KLF12: variants seen among roughly 807,000 people sequenced by gnomAD.
KLF12 encodes KLF transcription factor 12, also known as Krueppel-like factor 12.
In KLF12, 9 loss-of-function variants were observed where a neutral mutation model predicts 37.8. The observed-to-expected ratio is 0.24, with a 90% CI of 0.14 to 0.42. KLF12 has a LOEUF of 0.42. Ranked by LOEUF, KLF12 falls within the 10% of genes least tolerant of loss-of-function variation. KLF12 has a pLI of 1.00. For synonymous variants in KLF12, 208 were observed against 202.1 expected, an observed-to-expected ratio of 1.03 and a Z score of -0.25; for missense variants, 411 against 516.0, an observed-to-expected ratio of 0.80 and a Z score of 1.97.
the KLF12 span, among the ~76,000 whole-genome samples, chr13:74,170,058 AT>A: frequency 6.6e-6 from 1 of 152,110 alleles, no homozygotes; most frequent in Non-Finnish European, 1.5e-5. Context: ...ACAGCACATA[AT>A]TTTTTAACAT....
At chr13:73,815,597 T>C (rs543877966) in intron 4 of KLF12, among the ~76,000 whole-genome samples, 10 of 152,344 alleles carry the variant, frequency 6.6e-5, no homozygotes, top group Admixed American at 5.9e-4. Context: ...ATCAGATCTA[T>C]CTAAGCTTCC....
the KLF12 span, among the ~76,000 whole-genome samples, chr13:74,212,810 G>A: frequency 4.2e-3 from 635 of 152,098 alleles, 2 homozygotes; most frequent in African/African-American, 0.013. Context: ...TCTCTGAAGC[G>A]CAGAAAAATA....
the KLF12 span, among the ~76,000 whole-genome samples, chr13:74,271,336 T>G: frequency 6.6e-6 from 1 of 152,206 alleles, no homozygotes; most frequent in African/African-American, 2.4e-5. Context: ...CAACTATGCT[T>G]AAGCATTAGT....
chr13:74,181,070 CT>C, the KLF12 span, among the ~76,000 whole-genome samples: 1 of 152,050 alleles, frequency 6.6e-6, no homozygotes, highest in African/African-American at 2.4e-5. Context: ...ACAATCTTGG[CT>C]CACTGCAACC....
intron 1 of KLF12, among the ~76,000 whole-genome samples, chr13:74,060,120 A>C (rs946477072): frequency 6.6e-5 from 10 of 152,048 alleles, no homozygotes; most frequent in Non-Finnish European, 1.2e-4. Context: ...TGATCTATGC[A>C]TCTATTTTTG....
rs1352631650 is a variant in KLF12, at chr13:73,755,475, G to T, written c.869+9463C>A. Among the ~76,000 whole-genome samples the T allele has an allele frequency of 2.0e-5, 3 of 152,258 alleles. No individual in the cohort carries two copies. The East Asian group carries it at 5.8e-4, about 29-fold the overall frequency. ...CAACTGTTAGGTTTAGGAAAGGCTC[G>T]AGAGACCTGAAGGAAATTATAGCCT... On this transcript the variant is annotated intron_variant, in intron 6 of 7. Coordinates refer to ENST00000377669, the MANE Select transcript of KLF12 (RefSeq NM_007249.5).
At chr13:74,242,536 C>T in the KLF12 span, among the ~76,000 whole-genome samples, 1 of 152,208 alleles carries the variant, frequency 6.6e-6, no homozygotes, top group Non-Finnish European at 1.5e-5. Context: ...TCCCACAATA[C>T]ATGGGAATTA....
the KLF12 span, among the ~76,000 whole-genome samples, chr13:74,215,427 CTTTTTTTTTTTTTTT>C: frequency 3.3e-5 from 2 of 60,382 alleles, no homozygotes; most frequent in South Asian, 1.2e-3. Context: ...CCTCTGGGTT[CTTTTTTTTTTTTTTT>C]TTTTTTTTTT....
intron 1 of KLF12, among the ~76,000 whole-genome samples, chr13:74,027,419 G>T (rs1216950335): frequency 6.6e-6 from 1 of 152,134 alleles, no homozygotes; most frequent in Non-Finnish European, 1.5e-5. Context: ...CTTGGGAGCG[G>T]GGGGAGAGGG....
At chr13:74,131,914 T>C (rs1878280054) in intron 1 of KLF12, among the ~76,000 whole-genome samples, 1 of 152,186 alleles carries the variant, frequency 6.6e-6, no homozygotes, top group Non-Finnish European at 1.5e-5. Context: ...ATATTCAATC[T>C]AGTATCAAGA....
the KLF12 span, among the ~76,000 whole-genome samples, chr13:74,181,768 A>G: frequency 0.27 from 40,984 of 150,888 alleles, 8,693 homozygotes; most frequent in African/African-American, 0.59. Context: ...ATGTATGAGG[A>G]CCTTGTTTGG....
chr13:74,113,127 CG>C (rs1347903397), intron 1 of KLF12, among the ~76,000 whole-genome samples: 21 of 152,026 alleles, frequency 1.4e-4, no homozygotes, highest in Non-Finnish European at 2.9e-4. Context: ...CGTTGGAAGC[CG>C]GAAGAGTTTG....
At chr13:73,869,944 T>G (rs889805629) in intron 3 of KLF12, among the ~76,000 whole-genome samples, 1 of 152,218 alleles carries the variant, frequency 6.6e-6, no homozygotes, top group Admixed American at 6.5e-5. Flanking sequence ...CGCTGATTCC[T>G]TCTCGACATG....
At chr13:74,012,385 T>C (rs1399857673) in intron 1 of KLF12, among the ~76,000 whole-genome samples, 1 of 152,200 alleles carries the variant, frequency 6.6e-6, no homozygotes, top group African/African-American at 2.4e-5. Flanking sequence ...ACCAGAAATA[T>C]AACCCAATAT....
chr13:73,778,757 G>C (rs1880783069), intron 5 of KLF12, among the ~76,000 whole-genome samples: 1 of 152,084 alleles, frequency 6.6e-6, no homozygotes, highest in South Asian at 2.1e-4. Flanking sequence ...CAAGCTTAGA[G>C]AGGTTATGTA....
intron 1 of KLF12, among the ~76,000 whole-genome samples, chr13:74,021,065 G>C (rs1892829340): frequency 6.6e-6 from 1 of 152,158 alleles, no homozygotes; most frequent in African/African-American, 2.4e-5. Context: ...TGGAGAAAAG[G>C]TGGTTTCATG....
At chr13:74,211,959 C>A in the KLF12 span, among the ~76,000 whole-genome samples, 2 of 152,130 alleles carry the variant, frequency 1.3e-5, no homozygotes, top group Non-Finnish European at 2.9e-5. Flanking sequence ...TAAAGATCTT[C>A]TGCTTATAAT....
At chr13:74,149,437 T>C in the KLF12 span, among the ~76,000 whole-genome samples, 5 of 152,220 alleles carry the variant, frequency 3.3e-5, no homozygotes, top group African/African-American at 4.8e-5. Flanking sequence ...AGCTTAGTAT[T>C]ATCTTTGATT....
the KLF12 span, among the ~76,000 whole-genome samples, chr13:74,293,331 A>G: frequency 6.6e-6 from 1 of 152,082 alleles, no homozygotes; most frequent in Non-Finnish European, 1.5e-5. Context: ...TCCCCCTTCA[A>G]ACTCCCTCAA....
Sources: gnomAD v4.1 joint callset for allele counts (sites outside exome capture counted in the v4.1 genomes callset) on GRCh38, gnomAD v4.1.1 for gene constraint, MANE v1.5 for transcripts, NCBI Gene and HGNC (gene_info 2026-07-23, HGNC 2026-07-21) for gene names.